The following PARD6G variants were observed in gnomAD, a reference collection of about 807,000 sequenced individuals.
The protein encoded by PARD6G is partitioning defective 6 homolog gamma.
A neutral mutation model predicts 10.7 loss-of-function variants in PARD6G; 7 were observed. The ratio of observed to expected loss-of-function variants is 0.66; its 90% CI spans 0.37 to 1.23. The LOEUF (loss-of-function observed/expected upper bound fraction) is 1.23. Among genes scored for constraint, PARD6G ranks in the 50% most tolerant of loss-of-function variants. The pLI, the probability that PARD6G is intolerant of heterozygous loss-of-function variation, is 0.02. For missense variants in PARD6G, 548 were observed against 571.8 expected, an observed-to-expected ratio of 0.96 and a Z score of 0.42; for synonymous variants, 287 against 269.4, an observed-to-expected ratio of 1.07 and a Z score of -0.64.
chr18:80,174,783 T>C (rs911720510), intron 2 of PARD6G, among the ~76,000 whole-genome samples: 2 of 151,922 alleles, frequency 1.3e-5, no homozygotes, highest in African/African-American at 4.8e-5. Context: ...TGAAACCCCG[T>C]CTCTACTAAA....
chr18:80,241,933 G>T (rs947369831), intron 1 of PARD6G, among the ~76,000 whole-genome samples: 1 of 152,160 alleles, frequency 6.6e-6, no homozygotes, highest in African/African-American at 2.4e-5. Context: ...ATTCACAAAC[G>T]CCAGAGCTTC....
At chr18:80,179,280 G>A (rs1035242023) in intron 2 of PARD6G, among the ~76,000 whole-genome samples, 11 of 150,682 alleles carry the variant, frequency 7.3e-5, no homozygotes, top group African/African-American at 2.0e-4. Flanking sequence ...AACCCCCGGC[G>A]CTGAAGTCAC....
At position 80,159,820 on chromosome 18, in the gene PARD6G, G is replaced by A. The variant is rs1157662510; in HGVS notation, c.1082C>T (p.Ala361Val). ...SLRADPRHSL[A>V]LPPGGVEEHG... ...CTCCTCCACGCCGCCTGGCGGCAGC[G>A]CCAGGCTGTGACGGGGGTCGGCCCG... Residue 361 changes from alanine (A) to valine (V), a missense_variant, in exon 3 of 3, where the codon GCG (alanine) becomes GTG (valine). Ala to Val is a moderately conservative substitution (Grantham distance 64). Transcript: ENST00000353265. The A allele has an allele frequency of 2.0e-6, 3 of 1,481,852 alleles. No homozygotes were observed. The highest frequency in any genetic ancestry group is 1.3e-5 in the South Asian group (1 of 74,556). The allele number at this position is 1,481,852 out of a possible 1,614,324, so 91.8% of individuals were successfully genotyped here.
rs1365387358 is a variant in PARD6G at position 80,247,421 on chromosome 18, C to T, written c.-73G>A. The stretch of plus-strand genomic sequence containing the variant: ...CGCAGAAAGACTCCCGGGGGCGGCG[C>T]CCCCAGGCCCCGGCCCCGGCCCCGG... On this transcript the variant is annotated 5_prime_UTR_variant, in exon 1 of 3. Transcript: ENST00000353265. This position sits in a 1 kb window ranked among gnomAD's most constrained non-coding sequence, Gnocchi z 4.2. 2.7e-5 allele frequency: 34 copies of T among 1,259,118 alleles called. No individual in the cohort carries two copies. Among genetic ancestry groups the T allele is most frequent in the Non-Finnish European group, 3.6e-5 (34 of 934,942 alleles). 78.0% of individuals were successfully genotyped at this position (1,259,118 alleles called of 1,614,324 possible). A position where few individuals can be genotyped will look rare whatever the true frequency, so the allele number is the denominator to read the frequency against.
In PARD6G at chr18:80,159,900, C is replaced by T; in HGVS notation, c.1002G>A (p.Arg334=). The T allele has an allele frequency of 6.6e-7, 1 of 1,514,028 alleles. No homozygotes were observed. The highest frequency in any genetic ancestry group is 8.8e-7 in the Non-Finnish European group (1 of 1,137,596). 93.8% of individuals were successfully genotyped at this position (1,514,028 alleles called of 1,614,324 possible). Residue 334 remains arginine, a synonymous_variant, in exon 3 of 3, where the codon CGG becomes CGA. Coordinates refer to ENST00000353265, the MANE Select transcript of PARD6G (RefSeq NM_032510.4). ...CGTCCAGGGCCAGGTCCCGCTGCAG[C>T]CGCTGCGCCAGGCCCGCGCCATTGA... The part of the protein sequence containing the change: ...SRVNGAGLAQ[R]LQRDLALDGG...
At chr18:80,190,222 G>A (rs751513595) in intron 2 of PARD6G, among the ~76,000 whole-genome samples, 21 of 151,970 alleles carry the variant, frequency 1.4e-4, no homozygotes, top group Admixed American at 3.9e-4. Flanking sequence ...AAAAAGAAAC[G>A]ACCCAAGCCA....
chr18:80,235,991 A>T (rs1967417385), intron 1 of PARD6G, among the ~76,000 whole-genome samples: 4 of 152,162 alleles, frequency 2.6e-5, no homozygotes, highest in Non-Finnish European at 5.9e-5. Context: ...ATCCTCCCTA[A>T]CTCATTTTAT....
chr18:80,186,844 G>C (rs1272208267), intron 2 of PARD6G, among the ~76,000 whole-genome samples: 1 of 152,164 alleles, frequency 6.6e-6, no homozygotes, highest in Non-Finnish European at 1.5e-5. Context: ...GCTGGGCGGG[G>C]TGGCTCACGC....
chr18:80,214,040 C>T (rs2145289139), intron 1 of PARD6G, among the ~76,000 whole-genome samples: 1 of 151,808 alleles, frequency 6.6e-6, no homozygotes, highest in East Asian at 1.9e-4. Flanking sequence ...ATAAAGCAGT[C>T]AGTAGAAACT....
At chr18:80,207,382 A>C (rs1411143553) in intron 1 of PARD6G, among the ~76,000 whole-genome samples, 2 of 151,766 alleles carry the variant, frequency 1.3e-5, no homozygotes, top group Non-Finnish European at 2.9e-5. Context: ...GCTAGTGATT[A>C]TCAATAAATA....
At chr18:80,206,069 T>C (rs569497949) in intron 1 of PARD6G, among the ~76,000 whole-genome samples, 2 of 152,240 alleles carry the variant, frequency 1.3e-5, no homozygotes, top group African/African-American at 2.4e-5. Flanking sequence ...GCAACTAACC[T>C]AAAACACATC....
rs973466853 is a variant in PARD6G at position 80,181,761 on chromosome 18, C to A, written c.295+20949G>T. Among the ~76,000 whole-genome samples the A allele has an allele frequency of 6.6e-6, 1 of 152,046 alleles. No individual in the cohort carries two copies. Among genetic ancestry groups the A allele is most frequent in the African/African-American group, 2.4e-5 (1 of 41,378 alleles). ...AGCTCCTGGCCTTCCTGATGGGCATCGGCTCCCCATTCCTCGCGTCCTCTC... is the reference window on the plus strand; with the variant it reads ...AGCTCCTGGCCTTCCTGATGGGCATAGGCTCCCCATTCCTCGCGTCCTCTC... On this transcript the variant is annotated intron_variant, in intron 2 of 2. Transcript: ENST00000353265. This position sits in a 1 kb window ranked among gnomAD's most constrained non-coding sequence, Gnocchi z 7.9.
chr18:80,159,389 A>T lies in PARD6G; in HGVS notation c.*382T>A. The T allele has an allele frequency of 6.0e-6, 1 of 165,796 alleles. No homozygotes were observed. The highest frequency in any genetic ancestry group is 1.3e-5 in the Non-Finnish European group (1 of 77,272). The allele number at this position is 165,796 out of a possible 1,614,324, so 10.3% of individuals were successfully genotyped here. A position where few individuals can be genotyped will look rare whatever the true frequency, so the allele number is the denominator to read the frequency against. ...CAGCAAGAATGCTGAGATATGTTGC[A>T]TGGGCCAACTTACTTAAAAACATGA... On this transcript the variant is annotated 3_prime_UTR_variant, in exon 3 of 3. Transcript: ENST00000353265.
chr18:80,162,957 G>A (rs2052710444), intron 2 of PARD6G, among the ~76,000 whole-genome samples: 1 of 152,206 alleles, frequency 6.6e-6, no homozygotes, highest in Non-Finnish European at 1.5e-5. Context: ...AAACCTCACT[G>A]AAGGCATCTG....
intron 1 of PARD6G, among the ~76,000 whole-genome samples, chr18:80,229,377 G>C (rs918063070): frequency 2.6e-5 from 4 of 152,260 alleles, no homozygotes; most frequent in African/African-American, 9.6e-5. Flanking sequence ...GCACAAAACA[G>C]AGCAGATGGG....
chr18:80,236,635 A>T (rs1205615000), intron 1 of PARD6G, among the ~76,000 whole-genome samples: 3 of 152,212 alleles, frequency 2.0e-5, no homozygotes, highest in African/African-American at 7.2e-5. Context: ...CCTTAAGCTG[A>T]TAAGCAACTT....
At chr18:80,209,328 T>C (rs1967084762) in intron 1 of PARD6G, among the ~76,000 whole-genome samples, 1 of 152,222 alleles carries the variant, frequency 6.6e-6, no homozygotes, top group African/African-American at 2.4e-5. Flanking sequence ...TGCAAATTCT[T>C]ATTCTTCAAT....
intron 2 of PARD6G, among the ~76,000 whole-genome samples, chr18:80,195,351 G>C (rs992893599): frequency 1.3e-5 from 2 of 151,658 alleles, no homozygotes; most frequent in African/African-American, 4.8e-5. Flanking sequence ...AAAATGCCAG[G>C]TGCTTGGAGC....
chr18:80,186,248 TCA>T (rs759393015), intron 2 of PARD6G, among the ~76,000 whole-genome samples: 2 of 122,962 alleles, frequency 1.6e-5, no homozygotes, highest in East Asian at 2.7e-4. Flanking sequence ...GCATGCATCC[TCA>T]CACACATGCA....
Sources: gnomAD v4.1 joint callset for allele counts (sites outside exome capture counted in the v4.1 genomes callset) on GRCh38, gnomAD v4.1.1 for gene constraint, Gnocchi (gnomAD v3.1) non-coding constraint, MANE v1.5 for transcripts, NCBI Gene and HGNC (gene_info 2026-07-23, HGNC 2026-07-21) for gene names.